RFPL1: variants seen among roughly 807,000 people sequenced by gnomAD.
RFPL1 encodes the protein ret finger protein-like 1.
In RFPL1, 6 loss-of-function variants were observed where a neutral mutation model predicts 9.6. That is an observed-to-expected ratio of 0.62 (90% CI 0.34 to 1.23). RFPL1 has a LOEUF of 1.23. RFPL1 is among the 50% of genes most tolerant of loss of function. RFPL1 has a pLI of 0.03. For missense variants in RFPL1, 352 were observed against 398.4 expected (o/e 0.88, Z 0.99); for synonymous variants, 145 against 149.4 (o/e 0.97, Z 0.22).
chr22:29,410,504 TAGAG>T, the RFPL1 span, among the ~76,000 whole-genome samples: 1 of 113,886 alleles, frequency 8.8e-6, no homozygotes, highest in Non-Finnish European at 1.7e-5. Context: ...TATCTATATA[TAGAG>T]AGATATATAT....
the RFPL1 span, among the ~76,000 whole-genome samples, chr22:29,418,392 A>G: frequency 0.54 from 82,028 of 151,858 alleles, 23,298 homozygotes; most frequent in East Asian, 0.73. Flanking sequence ...CAATCTGCAC[A>G]TGTATTTTAC....
chr22:29,418,163 T>C, the RFPL1 span, among the ~76,000 whole-genome samples: 7,703 of 152,006 alleles, frequency 0.051, 263 homozygotes, highest in Non-Finnish European at 0.075. Flanking sequence ...CTCCTGACCT[T>C]GTGATCCACC....
the RFPL1 span, among the ~76,000 whole-genome samples, chr22:29,417,096 ATGTG>A: frequency 1.3e-5 from 2 of 152,078 alleles, no homozygotes; most frequent in African/African-American, 4.8e-5. Flanking sequence ...GCCAAAATGT[ATGTG>A]TCACCTTGGA....
At chr22:29,390,404 T>G in the RFPL1 span, among the ~76,000 whole-genome samples, 1 of 152,086 alleles carries the variant, frequency 6.6e-6, no homozygotes, top group Non-Finnish European at 1.5e-5. Context: ...AAAAGTTATT[T>G]TTAAATAATT....
chr22:29,397,085 A>ATT, the RFPL1 span, among the ~76,000 whole-genome samples: 2 of 142,904 alleles, frequency 1.4e-5, no homozygotes, highest in African/African-American at 5.2e-5. Flanking sequence ...TTTTTTTTGT[A>ATT]TTTTTAGTAG....
At chr22:29,399,213 TAGA>T in the RFPL1 span, among the ~76,000 whole-genome samples, 1 of 151,734 alleles carries the variant, frequency 6.6e-6, no homozygotes, top group Non-Finnish European at 1.5e-5. Flanking sequence ...GCACCTGTCA[TAGA>T]AGGATAGTGT....
chr22:29,410,798 G>A, the RFPL1 span, among the ~76,000 whole-genome samples: 1 of 151,194 alleles, frequency 6.6e-6, no homozygotes, highest in East Asian at 1.9e-4. Flanking sequence ...GATTACGGAC[G>A]CCTGCCACCA....
the RFPL1 span, among the ~76,000 whole-genome samples, chr22:29,426,888 G>A: frequency 1.3e-5 from 2 of 152,202 alleles, no homozygotes. Context: ...AGCACCCAGG[G>A]GGACATCGAG....
the RFPL1 span, among the ~76,000 whole-genome samples, chr22:29,397,000 G>A: frequency 6.1e-5 from 9 of 147,362 alleles, no homozygotes; most frequent in Middle Eastern, 3.4e-3. Flanking sequence ...TCCGCCTCCC[G>A]GGTTCACGCC....
chr22:29,423,570 C>T, the RFPL1 span, among the ~76,000 whole-genome samples: 1 of 152,160 alleles, frequency 6.6e-6, no homozygotes, highest in Non-Finnish European at 1.5e-5. Flanking sequence ...AAAATATCTG[C>T]ACAAGGATGG....
chr22:29,416,373 T>C, the RFPL1 span, among the ~76,000 whole-genome samples: 1 of 151,838 alleles, frequency 6.6e-6, no homozygotes, highest in African/African-American at 2.4e-5. Context: ...GAGGGGGGCA[T>C]AGGGGGTCCT....
exon 2 of RFPL1, chr22:29,441,753 A>C: frequency 2.5e-6 from 4 of 1,613,956 alleles, no homozygotes; most frequent in Non-Finnish European, 3.4e-6. Context: ...GGGACCTGGG[A>C]GTCTGCAGAG....
the RFPL1 span, among the ~76,000 whole-genome samples, chr22:29,393,581 G>C: frequency 4.6e-5 from 7 of 151,964 alleles, 1 homozygote; most frequent in South Asian, 4.2e-4. Flanking sequence ...GCCACACCTG[G>C]GGCACATGTG....
chr22:29,429,068 T>C, the RFPL1 span, among the ~76,000 whole-genome samples: 19,319 of 152,192 alleles, frequency 0.13, 1,698 homozygotes, highest in South Asian at 0.18. Flanking sequence ...TTTCATTTTT[T>C]TGTTTTAGAT....
the RFPL1 span, among the ~76,000 whole-genome samples, chr22:29,428,693 G>C: frequency 6.6e-6 from 1 of 152,238 alleles, no homozygotes; most frequent in African/African-American, 2.4e-5. Context: ...AACAAACAGA[G>C]TTTTGGAGCC....
chr22:29,395,153 C>T, the RFPL1 span, among the ~76,000 whole-genome samples: 5 of 152,162 alleles, frequency 3.3e-5, no homozygotes, highest in African/African-American at 4.8e-5. Flanking sequence ...CTAGAGTGCG[C>T]ACAGGTGCCA....
chr22:29,402,481 T>A, the RFPL1 span, among the ~76,000 whole-genome samples: 1 of 152,202 alleles, frequency 6.6e-6, no homozygotes, highest in Non-Finnish European at 1.5e-5. Flanking sequence ...AAGGATGAGT[T>A]CAGTCCCTAT....
At chr22:29,432,395 A>G in the RFPL1 span, among the ~76,000 whole-genome samples, 2 of 152,140 alleles carry the variant, frequency 1.3e-5, no homozygotes, top group Admixed American at 1.3e-4. Flanking sequence ...GTTTTCCTGT[A>G]ACCATTTGTC....
the RFPL1 span, among the ~76,000 whole-genome samples, chr22:29,393,759 G>A: frequency 6.6e-6 from 1 of 152,016 alleles, no homozygotes; most frequent in African/African-American, 2.4e-5. Flanking sequence ...ACTACCTCCT[G>A]GCTAGTTTTT....
Sources: gnomAD v4.1 joint callset for allele counts (sites outside exome capture counted in the v4.1 genomes callset) on GRCh38, gnomAD v4.1.1 for gene constraint, MANE v1.5 for transcripts, NCBI Gene and HGNC (gene_info 2026-07-23, HGNC 2026-07-21) for gene names.